The following GALNT18 variants were observed in gnomAD, a reference collection of about 807,000 sequenced individuals.
GALNT18 encodes the protein GalNAc-transferase 18.
In GALNT18, 44 loss-of-function variants were observed where a neutral mutation model predicts 69.5. The ratio of observed to expected loss-of-function variants is 0.63; its 90% CI spans 0.50 to 0.81. The LOEUF (loss-of-function observed/expected upper bound fraction) is 0.81. Among genes scored for constraint, GALNT18 ranks in the 40% least tolerant of loss-of-function variants. The pLI is 0.00. For synonymous variants in GALNT18, 364 were observed against 318.2 expected, an observed-to-expected ratio of 1.14 and a Z score of -1.53; for missense variants, 715 against 810.0, an observed-to-expected ratio of 0.88 and a Z score of 1.42.
intron 1 of GALNT18, 78 bp from the exon 2 acceptor site, chr11:11,449,014 A>G: frequency 8.3e-7 from 1 of 1,205,588 alleles, no homozygotes; most frequent in Non-Finnish European, 1.1e-6. Context: ...TCCCTTCCTC[A>G]CAAACAGCCT....
In GALNT18 at chr11:11,546,439, C is replaced by T. The variant is rs906390690; in HGVS notation, c.235+74920G>A. Among the ~76,000 whole-genome samples the T allele has an allele frequency of 6.6e-6, 1 of 152,240 alleles. No homozygotes were observed. Among genetic ancestry groups the T allele is most frequent in the Admixed American group, 6.5e-5 (1 of 15,282 alleles). On this transcript the variant is annotated intron_variant, in intron 1 of 10. Transcript: ENST00000227756. This position sits in a 1 kb window ranked among gnomAD's most constrained non-coding sequence, Gnocchi z 5.8. ...TGCCTGAGGCTCTGTCACATCATCT[C>T]TTGCCTGTACTTGAGGACATCCCAG...
chr11:11,544,639 G>A (rs370028539), intron 1 of GALNT18, among the ~76,000 whole-genome samples: 122 of 152,290 alleles, frequency 8.0e-4, no homozygotes, highest in Middle Eastern at 3.4e-3. Flanking sequence ...GTGGTTGGCT[G>A]CACCCATCAA....
At chr11:11,594,895 TAC>T (rs745564750) in intron 1 of GALNT18, among the ~76,000 whole-genome samples, 33 of 138,018 alleles carry the variant, frequency 2.4e-4, no homozygotes, top group Non-Finnish European at 4.7e-4. Flanking sequence ...AATCTACATA[TAC>T]ACACAGATAC....
intron 1 of GALNT18, among the ~76,000 whole-genome samples, chr11:11,553,398 G>C (rs1386160672): frequency 6.6e-6 from 1 of 152,186 alleles, no homozygotes; most frequent in Non-Finnish European, 1.5e-5. Context: ...GACACTGCCA[G>C]GCAGCAAGGC....
intron 3 of GALNT18, among the ~76,000 whole-genome samples, chr11:11,388,747 T>C (rs1221900969): frequency 6.6e-6 from 1 of 152,256 alleles, no homozygotes; most frequent in Admixed American, 6.5e-5. Context: ...ATGTGCACTG[T>C]GCTCAGCACT....
intron 1 of GALNT18, among the ~76,000 whole-genome samples, chr11:11,483,292 G>A (rs1016959188): frequency 2.0e-5 from 3 of 152,080 alleles, no homozygotes; most frequent in Admixed American, 6.5e-5. Context: ...TGATTCCCCC[G>A]GCTGTAAGAA....
At chr11:11,385,328 C>T (rs1456911659) in intron 3 of GALNT18, among the ~76,000 whole-genome samples, 3 of 150,758 alleles carry the variant, frequency 2.0e-5, no homozygotes, top group Non-Finnish European at 4.4e-5. Context: ...CAGAGTCTCG[C>T]TCTGTTGCCC....
In GALNT18 at chr11:11,510,807, T is replaced by C. The variant is rs186821703; in HGVS notation, c.236-61871A>G. On this transcript the variant is annotated intron_variant, in intron 1 of 10. Coordinates refer to ENST00000227756, the MANE Select transcript of GALNT18 (RefSeq NM_198516.3). ...AGGGCAAATCTCAGGGCTGGGCACA[T>C]TGCAACATCATTTCAAAGCCAGGCT... is the stretch of plus-strand genomic sequence containing the variant. Among the ~76,000 whole-genome samples, 397 of 152,298 alleles carry C rather than the reference T, an allele frequency of 2.6e-3. 1 individual carries two copies. Among genetic ancestry groups the C allele is most frequent in the Non-Finnish European group, 4.0e-3 (272 of 68,018 alleles).
At chr11:11,417,147 T>A (rs1854885601) in intron 3 of GALNT18, among the ~76,000 whole-genome samples, 1 of 152,182 alleles carries the variant, frequency 6.6e-6, no homozygotes, top group Non-Finnish European at 1.5e-5. Context: ...AGGGACAGAA[T>A]CCACACCACC....
At chr11:11,384,507 C>T (rs1854003057) in intron 3 of GALNT18, among the ~76,000 whole-genome samples, 1 of 152,162 alleles carries the variant, frequency 6.6e-6, no homozygotes, top group South Asian at 2.1e-4. Flanking sequence ...GGAAGCAGCC[C>T]TCATGACTTA....
intron 1 of GALNT18, among the ~76,000 whole-genome samples, chr11:11,581,094 G>A (rs1288801517): frequency 1.3e-5 from 2 of 152,208 alleles, no homozygotes; most frequent in South Asian, 2.1e-4. Context: ...CTGGTGTCCC[G>A]AGAGAAGCCG....
intron 1 of GALNT18, among the ~76,000 whole-genome samples, chr11:11,451,069 C>T (rs1387975189): frequency 6.6e-6 from 1 of 152,140 alleles, no homozygotes; most frequent in African/African-American, 2.4e-5. Flanking sequence ...TTAGGATATA[C>T]TGAAGAATAA....
At chr11:11,493,983 G>A (rs4910364) in intron 1 of GALNT18, among the ~76,000 whole-genome samples, 51,208 of 151,934 alleles carry the variant, frequency 0.34, 8,852 homozygotes, top group Admixed American at 0.47. Context: ...GTTCAGATCC[G>A]AGGAGCACAC....
At chr11:11,453,795 T>C (rs974432091) in intron 1 of GALNT18, among the ~76,000 whole-genome samples, 2 of 152,218 alleles carry the variant, frequency 1.3e-5, no homozygotes, top group Non-Finnish European at 2.9e-5. Context: ...CCACCATGAT[T>C]GTGAGGCCTC....
intron 1 of GALNT18, among the ~76,000 whole-genome samples, chr11:11,612,046 A>G (rs989020139): frequency 6.6e-6 from 1 of 152,126 alleles, no homozygotes; most frequent in Non-Finnish European, 1.5e-5. Context: ...TACGAGAAAC[A>G]TTCATCCTCC....
At chr11:11,570,374 T>A (rs1858761711) in intron 1 of GALNT18, among the ~76,000 whole-genome samples, 2 of 152,196 alleles carry the variant, frequency 1.3e-5, no homozygotes, top group Non-Finnish European at 2.9e-5. Flanking sequence ...TCTGCTTCCC[T>A]CTCCTTACAG....
rs891941999 is a variant in GALNT18 at position 11,372,461 on chromosome 11, C to T, written c.1092+54G>A. The T allele has an allele frequency of 1.1e-5, 15 of 1,378,830 alleles. No homozygotes were observed. In the African/African-American group the frequency reaches 1.8e-4, roughly 17 times the overall value. 85.4% of individuals were successfully genotyped at this position (1,378,830 alleles called of 1,614,324 possible). A position where few individuals can be genotyped will look rare whatever the true frequency, so the allele number is the denominator to read the frequency against. On this transcript the variant is annotated intron_variant, in intron 6 of 10. Transcript: ENST00000227756. The surrounding 1 kb of genome is among the most constrained non-coding windows in gnomAD (Gnocchi z 4.9). ...AACCCCATTTCTCCACCCCCAGACT[C>T]ATTCACCCTGGTGGGAGCTGAGCCG...
At chr11:11,431,895 T>C (rs1855272475) in intron 3 of GALNT18, among the ~76,000 whole-genome samples, 1 of 152,198 alleles carries the variant, frequency 6.6e-6, no homozygotes, top group African/African-American at 2.4e-5. Flanking sequence ...TTTTCAGCTG[T>C]CTCAAAATGT....
rs190332803 is a variant in GALNT18, at chr11:11,614,077, C to A, written c.235+7282G>T. On this transcript the variant is annotated intron_variant, in intron 1 of 10. Transcript: ENST00000227756. The surrounding 1 kb of genome is among the most constrained non-coding windows in gnomAD (Gnocchi z 5.6). ...ACAAAAAGCCAAGCTTGGCTTTCTG[C>A]CACAAACCAAAGGAGACCCTCAAGA... Among the ~76,000 whole-genome samples the A allele has an allele frequency of 1.9e-3, 285 of 152,272 alleles. 2 individuals carry two copies. Among genetic ancestry groups the A allele is most frequent in the African/African-American group, 6.6e-3 (275 of 41,574 alleles).
Sources: gnomAD v4.1 joint callset for allele counts (sites outside exome capture counted in the v4.1 genomes callset) on GRCh38, gnomAD v4.1.1 for gene constraint, Gnocchi (gnomAD v3.1) non-coding constraint, MANE v1.5 for transcripts, NCBI Gene and HGNC (gene_info 2026-07-23, HGNC 2026-07-21) for gene names.